Variants in DNAAF11 observed in about 807,000 individuals in gnomAD.
The protein encoded by DNAAF11 is dynein axonemal assembly factor 11.
A neutral mutation model predicts 60.8 loss-of-function variants in DNAAF11; 45 were observed. The observed-to-expected ratio is 0.74, with a 90% CI of 0.58 to 0.95. The LOEUF is 0.95. Ranked by LOEUF, DNAAF11 falls within the 40% of genes least tolerant of loss-of-function variation. The pLI is 0.00. For missense variants in DNAAF11, 546 were observed against 546.2 expected, an observed-to-expected ratio of 1.00 and a Z score of 0.00; for synonymous variants, 191 against 183.5, an observed-to-expected ratio of 1.04 and a Z score of -0.33.
chr8:132,694,104 G>A, the DNAAF11 span, among the ~76,000 whole-genome samples: 1 of 152,114 alleles, frequency 6.6e-6, no homozygotes, highest in Non-Finnish European at 1.5e-5. Context: ...AAACAAGAGG[G>A]GATAATAACC....
intron 3 of DNAAF11, among the ~76,000 whole-genome samples, chr8:132,646,412 GA>G (rs1018055464): frequency 6.6e-6 from 1 of 152,150 alleles, no homozygotes; most frequent in African/African-American, 2.4e-5. Context: ...CCAATGCTAG[GA>G]AGAAACTACG....
chr8:132,612,484 T>C (rs1818766704), intron 8 of DNAAF11, among the ~76,000 whole-genome samples: 1 of 152,198 alleles, frequency 6.6e-6, no homozygotes, highest in Non-Finnish European at 1.5e-5. Flanking sequence ...AGCTGCTTCT[T>C]ATCTTTCAAT....
intron 3 of DNAAF11, among the ~76,000 whole-genome samples, chr8:132,642,210 C>G (rs1821926945): frequency 1.3e-5 from 2 of 152,138 alleles, no homozygotes; most frequent in Non-Finnish European, 2.9e-5. Context: ...AACTACATGG[C>G]TAATATTTAT....
At chr8:132,600,678 A>T (rs986107752) in intron 10 of DNAAF11, among the ~76,000 whole-genome samples, 5 of 152,208 alleles carry the variant, frequency 3.3e-5, no homozygotes, top group African/African-American at 1.2e-4. Context: ...TGGGGAAAGG[A>T]TTCCCTATTT....
At position 132,614,943 on chromosome 8, in the gene DNAAF11, T is replaced by C. The variant is rs1341341188; in HGVS notation, c.974+95A>G. 1.2e-5 allele frequency: 9 copies of C among 730,220 alleles called. No homozygotes were observed. The South Asian group carries it at 1.7e-4, about 13-fold the overall frequency. The allele number at this position is 730,220 out of a possible 1,614,324, so 45.2% of individuals were successfully genotyped here. A position where few individuals can be genotyped will look rare whatever the true frequency, so the allele number is the denominator to read the frequency against. On this transcript the variant is annotated intron_variant, in intron 8 of 11. Transcript: ENST00000620350. The stretch of plus-strand genomic sequence containing the variant: ...AGCTTCATTTAACTATAGGTCTAAG[T>C]CAATTCCATTTCAATTTTTTCAAAC...
chr8:132,678,553 T>C (rs374142167), upstream of DNAAF11, among the ~76,000 whole-genome samples: 14 of 152,156 alleles, frequency 9.2e-5, no homozygotes, highest in South Asian at 1.5e-3. Flanking sequence ...CTAATATTTT[T>C]TTAGATTTTT....
intron 11 of DNAAF11, among the ~76,000 whole-genome samples, chr8:132,572,808 C>T (rs560355062): frequency 2.7e-4 from 41 of 152,198 alleles, no homozygotes; most frequent in South Asian, 1.7e-3. Flanking sequence ...CAGCAGGCAA[C>T]GCCCTACAGC....
At chr8:132,660,226 CTTTT>C (rs563667546) in intron 2 of DNAAF11, among the ~76,000 whole-genome samples, 1 of 146,530 alleles carries the variant, frequency 6.8e-6, no homozygotes. Context: ...GAGTACTTAT[CTTTT>C]TTTTTTTTAA....
At chr8:132,637,130 A>G (rs1586652879) in intron 4 of DNAAF11, among the ~76,000 whole-genome samples, 1 of 152,206 alleles carries the variant, frequency 6.6e-6, no homozygotes, top group African/African-American at 2.4e-5. Flanking sequence ...GGGATATGGT[A>G]TAAGAGTAAC....
At position 132,622,778 on chromosome 8, in the gene DNAAF11, A is replaced by C. The variant is rs535164892; in HGVS notation, c.837-90T>G. On this transcript the variant is annotated intron_variant, in intron 6 of 11. Coordinates refer to ENST00000620350, the MANE Select transcript of DNAAF11 (RefSeq NM_012472.6). Reference sequence around the variant, plus strand: ...TAAAAGCAATTAATACATTTTTGTGAAACAGTTTTAAAAAAATTAATTGGA... The same window carrying C: ...TAAAAGCAATTAATACATTTTTGTGCAACAGTTTTAAAAAAATTAATTGGA... 20 of 896,882 alleles carry C rather than the reference A, an allele frequency of 2.2e-5. No homozygotes were observed. In the African/African-American group the frequency reaches 3.2e-4, roughly 14 times the overall value. The allele number at this position is 896,882 out of a possible 1,614,324, so 55.6% of individuals were successfully genotyped here. A position where few individuals can be genotyped will look rare whatever the true frequency, so the allele number is the denominator to read the frequency against.
chr8:132,589,849 G>A (rs1040588655), intron 10 of DNAAF11, among the ~76,000 whole-genome samples: 2 of 152,144 alleles, frequency 1.3e-5, no homozygotes, highest in East Asian at 3.9e-4. Context: ...TCTTAAAAGG[G>A]GTCATTTGCA....
At chr8:132,649,049 C>T (rs923137056) in intron 3 of DNAAF11, among the ~76,000 whole-genome samples, 14 of 152,106 alleles carry the variant, frequency 9.2e-5, no homozygotes, top group East Asian at 3.9e-4. Flanking sequence ...AAAAAGAGCC[C>T]GCATTGCCAA....
At chr8:132,600,846 T>C (rs1817537772) in intron 10 of DNAAF11, among the ~76,000 whole-genome samples, 1 of 152,098 alleles carries the variant, frequency 6.6e-6, no homozygotes, top group Non-Finnish European at 1.5e-5. Flanking sequence ...GCAATACCAT[T>C]CAGGACATAG....
intron 11 of DNAAF11, among the ~76,000 whole-genome samples, chr8:132,579,996 T>TA (rs1815155344): frequency 7.1e-6 from 1 of 140,470 alleles, no homozygotes; most frequent in Admixed American, 7.1e-5. Context: ...AACTCTGTCT[T>TA]AAAAAAACAA....
At chr8:132,681,619 C>A in the DNAAF11 span, among the ~76,000 whole-genome samples, 2 of 152,118 alleles carry the variant, frequency 1.3e-5, no homozygotes, top group Admixed American at 1.3e-4. Flanking sequence ...TTATCCATAT[C>A]TATAGGTATA....
chr8:132,675,601 A>G (rs2130926338), upstream of DNAAF11: 1 of 1,217,238 alleles, frequency 8.2e-7, no homozygotes, highest in Non-Finnish European at 1.1e-6. Flanking sequence ...TTCAGGAGCC[A>G]TGGCAACGGG....
intron 1 of DNAAF11, among the ~76,000 whole-genome samples, chr8:132,672,848 G>A (rs1586756550): frequency 6.6e-6 from 1 of 152,186 alleles, no homozygotes; most frequent in East Asian, 1.9e-4. Flanking sequence ...TCTCCTGACT[G>A]ACGGGATGTG....
At chr8:132,615,350 T>C (rs1819036778) in intron 7 of DNAAF11, among the ~76,000 whole-genome samples, 1 of 152,234 alleles carries the variant, frequency 6.6e-6, no homozygotes, top group Non-Finnish European at 1.5e-5. Flanking sequence ...CACAAAAAAT[T>C]AGCTTTAGTG....
Position 132,601,726 on chromosome 8 carries a change from A to T in DNAAF11, c.1140+8440T>A, listed in dbSNP as rs192636873. ...TCATAGGTGGGAATTGAACAATGAG[A>T]ACACTTGGACACAGGAAGGGGAACA... On this transcript the variant is annotated intron_variant, in intron 10 of 11. Transcript: ENST00000620350. 1.6e-3 allele frequency among the ~76,000 whole-genome samples: 240 copies of T among 152,234 alleles called. 6 individuals are homozygous for T. The East Asian group carries it at 0.043, about 27-fold the overall frequency.
Sources: gnomAD v4.1 joint callset for allele counts (sites outside exome capture counted in the v4.1 genomes callset) on GRCh38, gnomAD v4.1.1 for gene constraint, MANE v1.5 for transcripts, NCBI Gene and HGNC (gene_info 2026-07-23, HGNC 2026-07-21) for gene names.